The following PDE4D variants were observed in gnomAD, a reference collection of about 807,000 sequenced individuals.
PDE4D encodes 3',5'-cyclic-AMP phosphodiesterase 4D.
PDE4D carries 24 observed loss-of-function variants against 87.4 expected under a neutral mutation model. The observed-to-expected ratio is 0.27, with a 90% confidence interval of 0.20 to 0.39. PDE4D has a LOEUF of 0.39. Ranked by LOEUF, PDE4D falls within the 10% of genes least tolerant of loss-of-function variation. PDE4D has a pLI of 1.00. For missense variants in PDE4D, 714 were observed against 1,041.0 expected (o/e 0.69, Z 4.32); for synonymous variants, 384 against 383.2 (o/e 1.00, Z -0.02).
intron 1 of PDE4D, among the ~76,000 whole-genome samples, chr5:60,502,828 A>G (rs1038005398): frequency 2.0e-5 from 3 of 152,124 alleles, no homozygotes; most frequent in African/African-American, 4.8e-5. Flanking sequence ...GAACTTTTCT[A>G]TCTGTATTTT....
At chr5:59,048,443 T>G (rs1761048097) in intron 5 of PDE4D, among the ~76,000 whole-genome samples, 1 of 152,234 alleles carries the variant, frequency 6.6e-6, no homozygotes, top group South Asian at 2.1e-4. Context: ...AGATTATCTT[T>G]AGCACCTACC....
intron 5 of PDE4D, among the ~76,000 whole-genome samples, chr5:59,159,415 G>C (rs1780711312): frequency 6.6e-6 from 1 of 152,052 alleles, no homozygotes; most frequent in Admixed American, 6.5e-5. Context: ...TTAGAGGTGT[G>C]AGCCACCACA....
chr5:60,330,118 A>G (rs1262019352), intron 1 of PDE4D, among the ~76,000 whole-genome samples: 1 of 152,216 alleles, frequency 6.6e-6, no homozygotes, highest in Non-Finnish European at 1.5e-5. Context: ...CAATTACAGT[A>G]TAGAGGAAAA....
At chr5:60,177,073 C>G (rs909992964) in intron 2 of PDE4D, among the ~76,000 whole-genome samples, 2 of 152,064 alleles carry the variant, frequency 1.3e-5, no homozygotes, top group Non-Finnish European at 2.9e-5. Context: ...AGTTTTCTTT[C>G]TACACTATGA....
chr5:59,910,647 G>T (rs1187996591), intron 3 of PDE4D, among the ~76,000 whole-genome samples: 1 of 152,300 alleles, frequency 6.6e-6, no homozygotes, highest in Admixed American at 6.5e-5. Flanking sequence ...CAATCAAAAA[G>T]TGCCTCATTT....
chr5:60,133,562 C>CA (rs1197934117), intron 2 of PDE4D, among the ~76,000 whole-genome samples: 1 of 152,036 alleles, frequency 6.6e-6, no homozygotes, highest in Non-Finnish European at 1.5e-5. Context: ...AAAAAAAAGA[C>CA]ACAATGCAAA....
chr5:60,121,764 C>T (rs1437370533), intron 2 of PDE4D, among the ~76,000 whole-genome samples: 3 of 152,170 alleles, frequency 2.0e-5, no homozygotes, highest in Non-Finnish European at 4.4e-5. Context: ...CATTTCAAAA[C>T]CAATCATGCC....
At chr5:59,260,264 A>C (rs1252221344) in intron 1 of PDE4D, among the ~76,000 whole-genome samples, 1 of 151,848 alleles carries the variant, frequency 6.6e-6, no homozygotes, top group Admixed American at 6.6e-5. Flanking sequence ...GTATTCAATT[A>C]AGACTTGCCT....
chr5:59,704,440 A>T (rs1442141445), intron 1 of PDE4D, among the ~76,000 whole-genome samples: 1 of 152,196 alleles, frequency 6.6e-6, no homozygotes, highest in Non-Finnish European at 1.5e-5. Context: ...CCATGGACAG[A>T]TTTCTGTATC....
At chr5:58,976,150 TG>T (rs1185494517) in intron 13 of PDE4D, among the ~76,000 whole-genome samples, 199 bp downstream of exon 13, 3 of 152,312 alleles carry the variant, frequency 2.0e-5, no homozygotes, top group East Asian at 3.9e-4. Flanking sequence ...TTTTAATTAA[TG>T]TAGATGCAAA....
chr5:59,689,097 A>G (rs1053756322), intron 1 of PDE4D, among the ~76,000 whole-genome samples: 6 of 152,158 alleles, frequency 3.9e-5, no homozygotes, highest in African/African-American at 1.4e-4. Context: ...CAACCAAAAA[A>G]AGTCCAGGAC....
At position 59,744,100 on chromosome 5, in the gene PDE4D, T is replaced by C. The variant is rs541362469; in HGVS notation, c.455+149068A>G. On this transcript the variant is annotated intron_variant, in intron 1 of 14. Transcript: ENST00000340635. ...CAGTGTTTGAATACATACTGCCAATTGTTTATGCCTGCTCAAATTCTTACC... is the reference window on the plus strand; with the variant it reads ...CAGTGTTTGAATACATACTGCCAATCGTTTATGCCTGCTCAAATTCTTACC... Among the ~76,000 whole-genome samples, 3 of 152,294 alleles carry C rather than the reference T, an allele frequency of 2.0e-5. 1 individual carries two copies. In the South Asian group the frequency reaches 6.2e-4, roughly 32 times the overall value.
chr5:59,846,051 T>C (rs1358766362), intron 1 of PDE4D, among the ~76,000 whole-genome samples: 2 of 152,044 alleles, frequency 1.3e-5, no homozygotes, highest in African/African-American at 4.8e-5. Flanking sequence ...AATTCTGCAC[T>C]AAAGATAGGG....
At chr5:60,036,629 GA>G (rs1350502284) in intron 2 of PDE4D, among the ~76,000 whole-genome samples, 2 of 152,118 alleles carry the variant, frequency 1.3e-5, no homozygotes, top group African/African-American at 4.8e-5. Context: ...GAATTATGGG[GA>G]AAAAAATTAA....
Position 59,101,957 on chromosome 5 carries a change from C to T in PDE4D, c.809-62986G>A, listed in dbSNP as rs548793227. The stretch of plus-strand genomic sequence containing the variant: ...TGTTTAACAAACATACCAGGGAATC[C>T]TTCCTTCAACTGTGCCCATCGAGTT... On this transcript the variant is annotated intron_variant, in intron 5 of 14. Coordinates refer to ENST00000340635, the MANE Select transcript of PDE4D (RefSeq NM_001104631.2). Among the ~76,000 whole-genome samples the T allele has an allele frequency of 3.9e-5, 6 of 152,148 alleles. No individual in the cohort carries two copies. In the South Asian group the frequency reaches 1.2e-3, roughly 32 times the overall value.
At chr5:60,344,487 A>G (rs1474869866) in intron 1 of PDE4D, among the ~76,000 whole-genome samples, 1 of 152,150 alleles carries the variant, frequency 6.6e-6, no homozygotes, top group Non-Finnish European at 1.5e-5. Flanking sequence ...AGACAAAGGT[A>G]TAACAGTGAC....
At chr5:59,621,494 C>T (rs866440586) in intron 1 of PDE4D, among the ~76,000 whole-genome samples, 4 of 152,158 alleles carry the variant, frequency 2.6e-5, no homozygotes, top group Non-Finnish European at 4.4e-5. Context: ...ACCTGCTAGG[C>T]CCCTAAATGA....
intron 1 of PDE4D, among the ~76,000 whole-genome samples, chr5:59,464,566 C>A (rs1003912747): frequency 1.3e-5 from 2 of 152,194 alleles, no homozygotes; most frequent in African/African-American, 4.8e-5. Context: ...CAGAGAAACA[C>A]CCACGAATGA....
At chr5:59,290,918 A>C (rs916079619) in intron 1 of PDE4D, among the ~76,000 whole-genome samples, 6 of 152,206 alleles carry the variant, frequency 3.9e-5, no homozygotes, top group African/African-American at 1.4e-4. Context: ...TTTATGCAAA[A>C]GACAAATAAT....
Sources: allele counts gnomAD v4.1 joint callset (sites outside exome capture counted in the v4.1 genomes callset), GRCh38; gene constraint gnomAD v4.1.1; transcripts MANE v1.5; gene names NCBI Gene and HGNC (gene_info 2026-07-23, HGNC 2026-07-21).